The following TMEM260 variants were observed in gnomAD, a reference collection of about 807,000 sequenced individuals.
The protein encoded by TMEM260 is transmembrane protein 260, also known as protein O-mannosyl-transferase TMEM260.
A neutral mutation model predicts 88.9 loss-of-function variants in TMEM260; 82 were observed. That is an observed-to-expected ratio of 0.92 (90% CI 0.77 to 1.11). The LOEUF (loss-of-function observed/expected upper bound fraction) is 1.11, where lower values mean the gene tolerates loss of function less well. Among genes scored for constraint, TMEM260 ranks in the 50% least tolerant of loss-of-function variants. The pLI is 0.00. For synonymous variants in TMEM260, 314 were observed against 309.3 expected (o/e 1.02, Z -0.16); for missense variants, 902 against 853.4 (o/e 1.06, Z -0.71).
At chr14:56,621,766 A>G in intron 11 of TMEM260, 64 bp downstream of exon 11, 4 of 1,437,122 alleles carry the variant, frequency 2.8e-6, no homozygotes, top group Non-Finnish European at 3.8e-6. Context: ...TTTGGAAAAA[A>G]CATCTTTTTT....
chr14:56,636,058 G>T (rs1299317862), intron 14 of TMEM260, among the ~76,000 whole-genome samples: 3 of 152,140 alleles, frequency 2.0e-5, no homozygotes, highest in South Asian at 2.1e-4. Flanking sequence ...ATTTGCACAG[G>T]TATTGATTTA....
At chr14:56,610,641 A>G (rs1887201606) in intron 6 of TMEM260, among the ~76,000 whole-genome samples, 1 of 152,190 alleles carries the variant, frequency 6.6e-6, no homozygotes, top group African/African-American at 2.4e-5. Context: ...TATGTAGGAG[A>G]TGTTTCATAA....
At position 56,647,592 on chromosome 14, in the gene TMEM260, T is replaced by G. The variant is rs1890047381; in HGVS notation, c.*95T>G. Reference sequence around the variant, plus strand: ...CAAGAAAAGAAACTGCATAAAAAATTTAAAACTAAGTCATCTCCCAGATAT... The same window carrying G: ...CAAGAAAAGAAACTGCATAAAAAATGTAAAACTAAGTCATCTCCCAGATAT... On this transcript the variant is annotated 3_prime_UTR_variant, in exon 16 of 16. Transcript: ENST00000261556. 1 of 1,386,012 alleles carries G rather than the reference T, an allele frequency of 7.2e-7. No homozygotes were observed. The highest frequency in any genetic ancestry group is 1.5e-5 in the South Asian group (1 of 67,478). The allele number at this position is 1,386,012 out of a possible 1,614,324, so 85.9% of individuals were successfully genotyped here.
chr14:56,644,797 T>A (rs1889843439), intron 15 of TMEM260, among the ~76,000 whole-genome samples: 1 of 151,688 alleles, frequency 6.6e-6, no homozygotes, highest in Non-Finnish European at 1.5e-5. Context: ...CAAACAAATT[T>A]ACAAGAAAAA....
At chr14:56,646,504 T>C (rs1243956695) in intron 15 of TMEM260, among the ~76,000 whole-genome samples, 1 of 152,202 alleles carries the variant, frequency 6.6e-6, no homozygotes, top group Non-Finnish European at 1.5e-5. Flanking sequence ...GTTTGTTAAA[T>C]TTTTGATGTT....
At chr14:56,651,430 G>A (rs887173875), downstream of TMEM260, among the ~76,000 whole-genome samples, 1 of 152,108 alleles carries the variant, frequency 6.6e-6, no homozygotes, top group Non-Finnish European at 1.5e-5. Context: ...ACAAAAAAAA[G>A]GTGGTGATGC....
At chr14:56,631,354 G>GACTC (rs1472052281) in intron 12 of TMEM260, among the ~76,000 whole-genome samples, 1 of 152,160 alleles carries the variant, frequency 6.6e-6, no homozygotes, top group East Asian at 1.9e-4. Flanking sequence ...CAGGTGTGGT[G>GACTC]ACTCACGCCT....
At chr14:56,620,451 A>G (rs906345009) in intron 10 of TMEM260, among the ~76,000 whole-genome samples, 1 of 152,136 alleles carries the variant, frequency 6.6e-6, no homozygotes, top group African/African-American at 2.4e-5. Flanking sequence ...GTGTTTCCCA[A>G]CCTTTTCTTA....
At chr14:56,606,361 G>C (rs146392155) in intron 5 of TMEM260, among the ~76,000 whole-genome samples, 1 of 150,798 alleles carries the variant, frequency 6.6e-6, no homozygotes, top group African/African-American at 2.4e-5. Flanking sequence ...GTTTGTTTGT[G>C]TACAAACTCA....
intron 5 of TMEM260, among the ~76,000 whole-genome samples, chr14:56,607,720 A>G (rs781392725): frequency 4.6e-5 from 7 of 152,140 alleles, no homozygotes; most frequent in African/African-American, 7.2e-5. Flanking sequence ...GTGTATATAT[A>G]TATGTATTTA....
intron 12 of TMEM260, among the ~76,000 whole-genome samples, 184 bp from the exon 13 acceptor site, chr14:56,632,811 G>C (rs1219226162): frequency 1.3e-5 from 2 of 152,104 alleles, no homozygotes; most frequent in East Asian, 3.8e-4. Flanking sequence ...AGTTCTGAAA[G>C]ATAGTTGCCA....
intron 14 of TMEM260, among the ~76,000 whole-genome samples, chr14:56,635,476 G>T (rs1888974750): frequency 6.6e-6 from 1 of 152,188 alleles, no homozygotes. Flanking sequence ...ACATGTTAAA[G>T]GAGATTGAAA....
intron 15 of TMEM260, among the ~76,000 whole-genome samples, chr14:56,640,449 G>C (rs1269644195): frequency 6.6e-6 from 1 of 152,094 alleles, no homozygotes; most frequent in African/African-American, 2.4e-5. Context: ...ACTGTTAGAA[G>C]GAAAACTAAC....
intron 3 of TMEM260, among the ~76,000 whole-genome samples, chr14:56,601,008 G>C (rs1282110102): frequency 6.6e-6 from 1 of 152,148 alleles, no homozygotes; most frequent in Non-Finnish European, 1.5e-5. Context: ...GAGATGGAGA[G>C]AGAAAATTCA....
chr14:56,583,758 A>G (rs1885291352), intron 1 of TMEM260, among the ~76,000 whole-genome samples: 1 of 152,116 alleles, frequency 6.6e-6, no homozygotes, highest in Non-Finnish European at 1.5e-5. Context: ...TGCTAGGGAA[A>G]ATATTCCAGG....
At chr14:56,625,725 A>G (rs1888208528) in intron 12 of TMEM260, among the ~76,000 whole-genome samples, 195 bp downstream of exon 12, 1 of 152,194 alleles carries the variant, frequency 6.6e-6, no homozygotes. Flanking sequence ...ATTGTTTTGG[A>G]TAAAGGAAAA....
intron 3 of TMEM260, among the ~76,000 whole-genome samples, chr14:56,594,674 A>G (rs1039282753): frequency 6.6e-6 from 1 of 152,192 alleles, no homozygotes; most frequent in African/African-American, 2.4e-5. Flanking sequence ...TGGATTATAC[A>G]AGATAGCTTG....
downstream of TMEM260, among the ~76,000 whole-genome samples, chr14:56,655,103 T>C (rs1365152067): frequency 6.6e-6 from 1 of 152,098 alleles, no homozygotes; most frequent in Non-Finnish European, 1.5e-5. Context: ...TAGAAGTAAT[T>C]TGGCCCTGCC....
intron 15 of TMEM260, among the ~76,000 whole-genome samples, chr14:56,646,786 A>G (rs1889994215): frequency 1.3e-5 from 2 of 152,036 alleles, no homozygotes; most frequent in South Asian, 4.1e-4. Context: ...AATTTCTGTC[A>G]AAAATGTGGG....
Sources: gnomAD v4.1 joint callset for allele counts (sites outside exome capture counted in the v4.1 genomes callset) on GRCh38, gnomAD v4.1.1 for gene constraint, MANE v1.5 for transcripts, NCBI Gene and HGNC (gene_info 2026-07-23, HGNC 2026-07-21) for gene names.